The following ZCCHC24 variants were observed in gnomAD, a reference collection of about 807,000 sequenced individuals.
ZCCHC24 encodes the protein zinc finger CCHC-type containing 24.
A neutral mutation model predicts 26.2 loss-of-function variants in ZCCHC24; 10 were observed. That is an observed-to-expected ratio of 0.38 (90% CI 0.24 to 0.65). The LOEUF (loss-of-function observed/expected upper bound fraction) is 0.65, where lower values mean the gene tolerates loss of function less well. Ranked by LOEUF, ZCCHC24 falls within the 30% of genes least tolerant of loss-of-function variation. The probability of loss-of-function intolerance (pLI) is 0.54; values close to 1 mark genes in which losing one functional copy is unlikely to be tolerated. For missense variants in ZCCHC24, 243 were observed against 329.1 expected (o/e 0.74, Z 2.03); for synonymous variants, 144 against 147.1 (o/e 0.98, Z 0.15).
In ZCCHC24 at chr10:79,445,502, G is replaced by A; in HGVS notation, c.-62C>T. 7.8e-7 allele frequency: 1 copy of A among 1,277,894 alleles called. No homozygotes were observed. The allele number at this position is 1,277,894 out of a possible 1,614,324, so 79.2% of individuals were successfully genotyped here. A position where few individuals can be genotyped will look rare whatever the true frequency, so the allele number is the denominator to read the frequency against. On this transcript the variant is annotated 5_prime_UTR_variant, in exon 1 of 4. Coordinates refer to ENST00000372336, the MANE Select transcript of ZCCHC24 (RefSeq NM_153367.4). ...GCTCGCGGCCCCCCTCCGCAGCGGA[G>A]GGGCGGGCACCGGGGAGCCTGTGCC...
At chr10:79,400,151 C>T (rs1158554948) in intron 2 of ZCCHC24, among the ~76,000 whole-genome samples, 2 of 152,214 alleles carry the variant, frequency 1.3e-5, no homozygotes, top group Non-Finnish European at 2.9e-5. Flanking sequence ...TTCTATAGGA[C>T]AACTTCAAAC....
intron 2 of ZCCHC24, among the ~76,000 whole-genome samples, chr10:79,401,981 G>A (rs1275578174): frequency 6.6e-6 from 1 of 152,230 alleles, no homozygotes; most frequent in Admixed American, 6.5e-5. Flanking sequence ...TCAGGAGTTC[G>A]AGAAAGACTT....
intron 2 of ZCCHC24, 25 bp downstream of exon 2, chr10:79,432,532 CA>C: frequency 6.3e-7 from 1 of 1,585,104 alleles, no homozygotes; most frequent in Non-Finnish European, 8.6e-7. Context: ...AGCCCAAGAG[CA>C]CCCCCTGGGC....
Position 79,420,549 on chromosome 10 carries a change from C to G in ZCCHC24, c.447+12009G>C, listed in dbSNP as rs367931540. ...ATCCCAGCACTTTGGGAGGCCGAGG[C>G]GGGCAGATCACTTGAGGCCAGGAGT... On this transcript the variant is annotated intron_variant, in intron 2 of 3. Coordinates refer to ENST00000372336, the MANE Select transcript of ZCCHC24 (RefSeq NM_153367.4). 5.6e-4 allele frequency among the ~76,000 whole-genome samples: 85 copies of G among 152,260 alleles called. 2 individuals carry two copies. The South Asian group carries it at 0.015, about 27-fold the overall frequency.
intron 2 of ZCCHC24, among the ~76,000 whole-genome samples, chr10:79,413,782 G>GT (rs1254494248): frequency 0.032 from 2,402 of 74,348 alleles, 27 homozygotes; most frequent in Non-Finnish European, 0.057. Context: ...GTGTGTGTGA[G>GT]AGAGAGAGAG....
At chr10:79,388,440 G>A (rs777873390) in intron 3 of ZCCHC24, among the ~76,000 whole-genome samples, 6 of 152,322 alleles carry the variant, frequency 3.9e-5, no homozygotes, top group African/African-American at 4.8e-5. Context: ...AGAGCCCACC[G>A]CTCAGTTTAC....
rs760457028 is a variant in ZCCHC24 at position 79,386,314 on chromosome 10, G to T, written c.*31C>A. 1.3e-6 allele frequency: 2 copies of T among 1,599,246 alleles called. No individual in the cohort carries two copies. Among genetic ancestry groups the T allele is most frequent in the East Asian group, 2.2e-5 (1 of 44,562 alleles). ...AAGCAGCGTCTCCTCGGGCTGGCGG[G>T]GGGTGGCTCTGGGTGCGGGCGGGCA... On this transcript the variant is annotated 3_prime_UTR_variant, in exon 4 of 4. Transcript: ENST00000372336.
intron 2 of ZCCHC24, among the ~76,000 whole-genome samples, chr10:79,416,738 T>A (rs1856865989): frequency 6.6e-6 from 1 of 152,154 alleles, no homozygotes. Context: ...CTGGGGAACA[T>A]GTCCAAGCTG....
At chr10:79,412,281 G>A (rs923945298) in intron 2 of ZCCHC24, among the ~76,000 whole-genome samples, 2 of 152,258 alleles carry the variant, frequency 1.3e-5, no homozygotes, top group African/African-American at 4.8e-5. Flanking sequence ...CCCAAGGGAG[G>A]TAGCTCAGGA....
chr10:79,426,669 T>A (rs980773914), intron 2 of ZCCHC24, among the ~76,000 whole-genome samples: 2 of 151,856 alleles, frequency 1.3e-5, no homozygotes, highest in African/African-American at 4.8e-5. Context: ...CCTAAAAAAA[T>A]AACTCACAAA....
At chr10:79,412,929 ACAT>A (rs982830029) in intron 2 of ZCCHC24, among the ~76,000 whole-genome samples, 1 of 152,012 alleles carries the variant, frequency 6.6e-6, no homozygotes, top group African/African-American at 2.4e-5. Context: ...GCCACCATCA[ACAT>A]CATCATCACC....
At chr10:79,421,353 T>C (rs1682884503) in intron 2 of ZCCHC24, among the ~76,000 whole-genome samples, 1 of 152,184 alleles carries the variant, frequency 6.6e-6, no homozygotes, top group Admixed American at 6.5e-5. Context: ...CATCCCCTGC[T>C]ATGCCATCTG....
At chr10:79,424,445 T>C (rs1026511365) in intron 2 of ZCCHC24, among the ~76,000 whole-genome samples, 4 of 152,200 alleles carry the variant, frequency 2.6e-5, no homozygotes, top group African/African-American at 9.7e-5. Context: ...TGCTGCCTGC[T>C]CCCTCTTCCC....
At chr10:79,386,566 A>C in intron 3 of ZCCHC24, 108 bp from the exon 4 acceptor site, 4 of 813,790 alleles carry the variant, frequency 4.9e-6, no homozygotes, top group Admixed American at 2.6e-5. Context: ...AGACAGGTAC[A>C]CAGGGAGGGG....
At chr10:79,409,965 G>A (rs1436493264) in intron 2 of ZCCHC24, among the ~76,000 whole-genome samples, 2 of 152,214 alleles carry the variant, frequency 1.3e-5, no homozygotes, top group Non-Finnish European at 2.9e-5. Context: ...GGCAGGGGAT[G>A]CGTTCAACCC....
At chr10:79,403,975 T>G (rs1856673816) in intron 2 of ZCCHC24, among the ~76,000 whole-genome samples, 1 of 144,074 alleles carries the variant, frequency 6.9e-6, no homozygotes, top group Non-Finnish European at 1.5e-5. Context: ...AGACAGGGAG[T>G]GAGGACACGA....
intron 2 of ZCCHC24, among the ~76,000 whole-genome samples, chr10:79,427,371 A>G (rs892228295): frequency 1.3e-5 from 2 of 152,194 alleles, no homozygotes; most frequent in Admixed American, 6.5e-5. Flanking sequence ...CACTCCACCA[A>G]ACAACAGCAG....
intron 3 of ZCCHC24, among the ~76,000 whole-genome samples, chr10:79,388,636 G>T (rs1856432021): frequency 6.6e-6 from 1 of 152,132 alleles, no homozygotes; most frequent in Non-Finnish European, 1.5e-5. Context: ...CCCTTGACTG[G>T]CCAGGGCCTC....
At chr10:79,414,537 C>T (rs1384348993) in intron 2 of ZCCHC24, among the ~76,000 whole-genome samples, 2 of 152,196 alleles carry the variant, frequency 1.3e-5, no homozygotes, top group Non-Finnish European at 2.9e-5. Context: ...GGTTGAACAT[C>T]TGGAACCTCT....
Sources: allele counts gnomAD v4.1 joint callset (sites outside exome capture counted in the v4.1 genomes callset), GRCh38; gene constraint gnomAD v4.1.1; transcripts MANE v1.5; gene names NCBI Gene and HGNC (gene_info 2026-07-23, HGNC 2026-07-21).